The following STOML1 variants were observed in gnomAD, a reference collection of about 807,000 sequenced individuals.
STOML1 encodes the protein stomatin-like protein 1.
A neutral mutation model predicts 35.7 loss-of-function variants in STOML1; 27 were observed. That is an observed-to-expected ratio of 0.76 (90% CI 0.56 to 1.04). The LOEUF (loss-of-function observed/expected upper bound fraction) is 1.04, where lower values mean the gene tolerates loss of function less well. Among genes scored for constraint, STOML1 ranks in the 50% least tolerant of loss-of-function variants. The pLI is 0.00. For missense variants in STOML1, 451 were observed against 527.1 expected, an observed-to-expected ratio of 0.86 and a Z score of 1.41; for synonymous variants, 219 against 227.9, an observed-to-expected ratio of 0.96 and a Z score of 0.35.
chr15:73,992,893 GA>G (rs1822134206), upstream of STOML1, among the ~76,000 whole-genome samples: 1 of 152,180 alleles, frequency 6.6e-6, no homozygotes, highest in African/African-American at 2.4e-5. Context: ...CTGGAGGCAG[GA>G]CATGCCATAT....
chr15:73,988,647 C>T lies in STOML1; in HGVS notation c.546G>A (p.Pro182=), dbSNP rs114867411. 9.0e-5 allele frequency: 145 copies of T among 1,614,226 alleles called. 1 individual carries two copies. The East Asian group carries it at 2.3e-3, about 25-fold the overall frequency. ...NAMTKALLKR[P]LREIQMEKLK... ...GCTTCTCCATCTGGATCTCCCGCAG[C>T]GGCCTCTTGAGCAGGGCCTTGGTCA... Residue 182 remains proline (P), a synonymous_variant, in exon 4 of 7, where the codon CCG becomes CCA. Coordinates refer to ENST00000541638, the MANE Select transcript of STOML1 (RefSeq NM_004809.5). The surrounding 1 kb of genome is among the most constrained non-coding windows in gnomAD (Gnocchi z 4.8).
chr15:73,988,634 G>A lies in STOML1; in HGVS notation c.559C>T (p.Gln187Ter), dbSNP rs1284805594. The A allele has an allele frequency of 1.2e-5, 19 of 1,614,224 alleles. No homozygotes were observed. In the South Asian group the frequency reaches 1.5e-4, roughly 13 times the overall value. ...ALLKRPLREI[Q>*]MEKLKISDQL... ...TCGCTGATCTTGAGCTTCTCCATCT[G>A]GATCTCCCGCAGCGGCCTCTTGAGC... is the stretch of plus-strand genomic sequence containing the variant. Residue 187 changes from glutamine (Q) to a stop codon, truncating the protein, a stop_gained, in exon 4 of 7, where the codon CAG becomes TAG. Transcript: ENST00000541638. LOFTEE classifies it high-confidence loss of function. This position sits in a 1 kb window ranked among gnomAD's most constrained non-coding sequence, Gnocchi z 4.8.
Position 73,992,217 on chromosome 15 carries a change from C to T in STOML1, c.7G>A (p.Gly3Ser), listed in dbSNP as rs747932881. 1.9e-6 allele frequency: 3 copies of T among 1,600,242 alleles called. No homozygotes were observed. The highest frequency in any genetic ancestry group is 2.2e-5 in the South Asian group (2 of 90,346). The change falls in exon 1 of 7, where the codon GGC becomes AGC. Residue 3 changes from glycine (G) to serine (S), a missense_variant. Physicochemically the swap from Gly to Ser is moderately conservative, Grantham distance 56 (BLOSUM62 0). Coordinates refer to ENST00000541638, the MANE Select transcript of STOML1 (RefSeq NM_004809.5). ML[G>S]RSGYRALPLG... is the part of the protein sequence containing the mutation. ...GGCAGCGCCCGGTACCCAGACCTGC[C>T]GAGCATGGCTTTTGACAGGAGACAC...
At chr15:73,993,359 A>G (rs1259172100), upstream of STOML1, among the ~76,000 whole-genome samples, 1 of 152,254 alleles carries the variant, frequency 6.6e-6, no homozygotes, top group East Asian at 1.9e-4. Context: ...TTCCAAAGCA[A>G]GCAAAGAAAT....
chr15:73,989,069 C>A, intron 3 of STOML1, 39 bp downstream of exon 3: 1 of 1,545,910 alleles, frequency 6.5e-7, no homozygotes, highest in Non-Finnish European at 8.7e-7. Context: ...CTGGACAGGC[C>A]CCCAGTTCCT....
chr15:73,985,572 C>T, intron 4 of STOML1, 59 bp from the exon 5 acceptor site: 1 of 1,518,666 alleles, frequency 6.6e-7, no homozygotes, highest in East Asian at 2.6e-5. Context: ...TGAGCACCTT[C>T]TTTGGGCAGA....
chr15:73,991,854 G>A lies in STOML1; in HGVS notation c.133+237C>T, dbSNP rs113822808. 3.1e-3 allele frequency: 1,956 copies of A among 638,906 alleles called. 35 individuals are homozygous for A. The African/African-American group carries it at 0.032, about 10-fold the overall frequency. 39.6% of individuals were successfully genotyped at this position (638,906 alleles called of 1,614,324 possible). On this transcript the variant is annotated intron_variant, in intron 1 of 6. Coordinates refer to ENST00000541638, the MANE Select transcript of STOML1 (RefSeq NM_004809.5). The stretch of plus-strand genomic sequence containing the variant: ...ACAAATGTGGTGAGGTGAGGTTTTG[G>A]AAGATAGGAGCAACGCTGGCTGGCT...
chr15:73,988,538 C>T lies in STOML1; in HGVS notation c.594+61G>A. The T allele has an allele frequency of 6.3e-7, 1 of 1,596,420 alleles. No homozygotes were observed. Among genetic ancestry groups the T allele is most frequent in the Non-Finnish European group, 8.5e-7 (1 of 1,169,814 alleles). Reference sequence around the variant, plus strand: ...GGTCTGACTCTTTTCTCAAAGTGACCTGGCAGGTGGAGCCAGGCCGGTGCC... The same window carrying T: ...GGTCTGACTCTTTTCTCAAAGTGACTTGGCAGGTGGAGCCAGGCCGGTGCC... On this transcript the variant is annotated intron_variant, in intron 4 of 6. Coordinates refer to ENST00000541638, the MANE Select transcript of STOML1 (RefSeq NM_004809.5). The surrounding 1 kb of genome is among the most constrained non-coding windows in gnomAD (Gnocchi z 4.8).
rs1229513655 is a variant in STOML1, at chr15:73,985,180, C to T, written c.790+138G>A. ...CACACTCAGACACCTGGCCTCCTCT[C>T]ACTGCCTTGGCTGTGGTCAGTGTGG... On this transcript the variant is annotated intron_variant, in intron 5 of 6. Coordinates refer to ENST00000541638, the MANE Select transcript of STOML1 (RefSeq NM_004809.5). 3.6e-6 allele frequency: 4 copies of T among 1,125,380 alleles called. No homozygotes were observed. In the East Asian group the frequency reaches 1.0e-4, roughly 29 times the overall value. 69.7% of individuals were successfully genotyped at this position (1,125,380 alleles called of 1,614,324 possible).
At chr15:73,992,008 G>A in intron 1 of STOML1, 83 bp downstream of exon 1, 1 of 1,461,030 alleles carries the variant, frequency 6.8e-7, no homozygotes, top group South Asian at 1.4e-5. Context: ...CACCGGGCCG[G>A]CCGACTCCTC....
At position 73,979,106 on chromosome 15, in the gene STOML1, A is replaced by G. The variant is rs893867291; in HGVS notation, c.*4831T>C. The G allele has an allele frequency of 2.6e-5, 4 of 152,254 alleles. No homozygotes were observed. The highest frequency in any genetic ancestry group is 5.9e-5 in the Non-Finnish European group (4 of 68,048). The allele number at this position is 152,254 out of a possible 1,614,324, so 9.4% of individuals were successfully genotyped here. ...TCAAAACCATTACAGTGAGGGGGAAAAAGCTAGACACAGAAGAGTACTGTG... is the reference window on the plus strand; with the variant it reads ...TCAAAACCATTACAGTGAGGGGGAAGAAGCTAGACACAGAAGAGTACTGTG... On this transcript the variant is annotated 3_prime_UTR_variant, in exon 7 of 7. Transcript: ENST00000541638.
chr15:73,984,878 G>T lies in STOML1; in HGVS notation c.791-7C>A, dbSNP rs767491374. 2 of 1,613,680 alleles carry T rather than the reference G, an allele frequency of 1.2e-6. No individual in the cohort carries two copies. The highest frequency in any genetic ancestry group is 1.7e-5 in the Admixed American group (1 of 60,010). ...ACCATCTCCACGGTGTCTGCTGGGG[G>T]TGGCCAACAGGGTTGGGGAAGGAGG... is the stretch of plus-strand genomic sequence containing the variant. On this transcript the variant is annotated splice_polypyrimidine_tract_variant and splice_region_variant and intron_variant, in intron 5 of 6. Transcript: ENST00000541638.
In STOML1 at chr15:73,984,871, G is replaced by T. The variant is rs1377581929; in HGVS notation, c.791C>A (p.Ala264Glu). The change falls in exon 6 of 7, where the codon GCA (alanine) becomes GAA (glutamate). Residue 264 changes from alanine to glutamate, a missense_variant and splice_region_variant. Transcript: ENST00000541638. ...TTCACTCACCATCTCCACGGTGTCT[G>T]CTGGGGGTGGCCAACAGGGTTGGGG... ...MAGGAPSPGPADTVEMVSEVE... is the reference protein window; with the variant it reads ...MAGGAPSPGPEDTVEMVSEVE... 6.2e-7 allele frequency: 1 copy of T among 1,613,772 alleles called. No individual in the cohort carries two copies. Among genetic ancestry groups the T allele is most frequent in the East Asian group, 2.2e-5 (1 of 44,890 alleles).
Position 73,989,133 on chromosome 15 carries a change from C to T in STOML1, c.365G>A (p.Arg122Gln), listed in dbSNP as rs772227992. The change falls in exon 3 of 7, where the codon CGA becomes CAA. Residue 122 changes from arginine (R) to glutamine (Q), a missense_variant. Physicochemically the swap from Arg to Gln is conservative, Grantham distance 43. Coordinates refer to ENST00000541638, the MANE Select transcript of STOML1 (RefSeq NM_004809.5). Reference protein sequence around the residue: ...DSFQRVDLRTRAFNVPPCKLA... With the variant: ...DSFQRVDLRTQAFNVPPCKLA... Reference sequence around the variant, plus strand: ...CTTGCAGGGAGGGACGTTGAAGGCTCGTGTCCTCAGATCCACCCTCTGAAA... The same window carrying T: ...CTTGCAGGGAGGGACGTTGAAGGCTTGTGTCCTCAGATCCACCCTCTGAAA... 16 of 1,607,240 alleles carry T rather than the reference C, an allele frequency of 1.0e-5. No homozygotes were observed. Among genetic ancestry groups the T allele is most frequent in the African/African-American group, 4.0e-5 (3 of 74,818 alleles).
intron 2 of STOML1, among the ~76,000 whole-genome samples, chr15:73,989,665 T>C (rs921155687): frequency 6.6e-6 from 1 of 152,170 alleles, no homozygotes; most frequent in African/African-American, 2.4e-5. Flanking sequence ...TTGTCAACTT[T>C]AGGTCCCTGG....
Position 73,984,066 on chromosome 15 carries a change from C to G in STOML1, c.1068G>C (p.Glu356Asp). The change falls in exon 7 of 7, where the codon GAG (glutamate) becomes GAC (aspartate). Residue 356 changes from glutamate (E) to aspartate (D), a missense_variant. Physicochemically the swap from Glu to Asp is conservative, Grantham distance 45. Transcript: ENST00000541638. ...TGCATAGCAGGGCCCGCAGGTCTGC[C>G]TCGGCCATCTCCACCACCACATCAG... Reference protein sequence around the residue: ...GIPDVVVEMAEADLRALLCRE... With the variant: ...GIPDVVVEMADADLRALLCRE... The G allele has an allele frequency of 6.2e-7, 1 of 1,614,072 alleles. No individual in the cohort carries two copies. The highest frequency in any genetic ancestry group is 8.5e-7 in the Non-Finnish European group (1 of 1,180,020).
rs1477458447 is a variant in STOML1, at chr15:73,985,387, G to C, written c.721C>G (p.Gln241Glu). The C allele has an allele frequency of 1.3e-6, 2 of 1,558,414 alleles. No individual in the cohort carries two copies. Among genetic ancestry groups the C allele is most frequent in the Admixed American group, 2.2e-5 (1 of 46,030 alleles). Residue 241 changes from glutamine to glutamate, a missense_variant, in exon 5 of 7, where the codon CAG (glutamine) becomes GAG (glutamate). Transcript: ENST00000541638. ...CCTCCCAGGAAGTGCAGGGCCAGCTGCTGGAGGGTGCTGTCCAGGTTGGGC... is the reference window on the plus strand; with the variant it reads ...CCTCCCAGGAAGTGCAGGGCCAGCTCCTGGAGGGTGCTGTCCAGGTTGGGC... ...AGPNLDSTLQ[Q>E]LALHFLGGSM... is the part of the protein sequence containing the mutation.
chr15:73,988,648 G>C lies in STOML1; in HGVS notation c.545C>G (p.Pro182Arg). ...NAMTKALLKR[P>R]LREIQMEKLK... ...CTTCTCCATCTGGATCTCCCGCAGC[G>C]GCCTCTTGAGCAGGGCCTTGGTCAT... Residue 182 changes from proline to arginine, a missense_variant, in exon 4 of 7, where the codon CCG becomes CGG. By Grantham distance (103) the Pro-to-Arg change is moderately radical (BLOSUM62 -2). Coordinates refer to ENST00000541638, the MANE Select transcript of STOML1 (RefSeq NM_004809.5). This position sits in a 1 kb window ranked among gnomAD's most constrained non-coding sequence, Gnocchi z 4.8. 1.2e-6 allele frequency: 2 copies of C among 1,614,232 alleles called. No homozygotes were observed. The highest frequency in any genetic ancestry group is 2.7e-5 in the African/African-American group (2 of 75,042).
rs540113550 is a variant in STOML1 at position 73,981,065 on chromosome 15, T to G, written c.*2872A>C. ...GTCTAAAAAATTTTTTTTAAATGCT[T>G]AAAAATAAGGCCAGGTGCGGTGGCT... On this transcript the variant is annotated 3_prime_UTR_variant, in exon 7 of 7. Transcript: ENST00000541638. The G allele has an allele frequency of 6.6e-6, 1 of 151,858 alleles. No homozygotes were observed. The highest frequency in any genetic ancestry group is 2.1e-4 in the South Asian group (1 of 4,802). The allele number at this position is 151,858 out of a possible 1,614,324, so 9.4% of individuals were successfully genotyped here. A position where few individuals can be genotyped will look rare whatever the true frequency, so the allele number is the denominator to read the frequency against.
Sources: allele counts gnomAD v4.1 joint callset (sites outside exome capture counted in the v4.1 genomes callset), GRCh38; gene constraint gnomAD v4.1.1; non-coding constraint Gnocchi (gnomAD v3.1); transcripts MANE v1.5; gene names NCBI Gene and HGNC (gene_info 2026-07-23, HGNC 2026-07-21).